Variants in RAB3C observed in about 807,000 individuals in gnomAD.
The protein encoded by RAB3C is ras-related protein Rab-3C.
A neutral mutation model predicts 26.4 loss-of-function variants in RAB3C; 17 were observed. The ratio of observed to expected loss-of-function variants is 0.64; its 90% CI spans 0.44 to 0.97. The LOEUF (loss-of-function observed/expected upper bound fraction) is 0.97, where lower values mean the gene tolerates loss of function less well. Among genes scored for constraint, RAB3C ranks in the 50% least tolerant of loss-of-function variants. RAB3C has a pLI of 0.00. For synonymous variants in RAB3C, 91 were observed against 95.9 expected (o/e 0.95, Z 0.30); for missense variants, 242 against 281.9 (o/e 0.86, Z 1.01).
chr5:58,763,820 T>C (rs1195902507), intron 3 of RAB3C, among the ~76,000 whole-genome samples: 5 of 152,158 alleles, frequency 3.3e-5, no homozygotes, highest in Non-Finnish European at 7.3e-5. Context: ...ATATGGATAT[T>C]ATAACACAGA....
intron 1 of RAB3C, among the ~76,000 whole-genome samples, chr5:58,596,782 AATATATT>A (rs1746279260): frequency 9.6e-6 from 1 of 104,086 alleles, no homozygotes; most frequent in Non-Finnish European, 1.7e-5. Flanking sequence ...TATAATACAT[AATATATT>A]ATATATAAAT....
chr5:58,693,179 TTAAGA>T (rs1441517791), intron 2 of RAB3C, among the ~76,000 whole-genome samples: 17 of 146,688 alleles, frequency 1.2e-4, no homozygotes, highest in East Asian at 3.9e-4. Context: ...ATAAATATAA[TTAAGA>T]TAAGTTTATA....
chr5:58,817,503 G>T (rs918010207), intron 3 of RAB3C, among the ~76,000 whole-genome samples: 1 of 151,446 alleles, frequency 6.6e-6, no homozygotes, highest in African/African-American at 2.4e-5. Flanking sequence ...TTATGTTCCT[G>T]TTTCTGGTTT....
chr5:58,712,716 G>T (rs868238648), intron 2 of RAB3C, among the ~76,000 whole-genome samples: 4 of 152,104 alleles, frequency 2.6e-5, no homozygotes, highest in Non-Finnish European at 5.9e-5. Flanking sequence ...GTAGAGACAG[G>T]GTTTCACCAT....
At chr5:58,792,253 G>A (rs1309191581) in intron 3 of RAB3C, among the ~76,000 whole-genome samples, 1 of 152,166 alleles carries the variant, frequency 6.6e-6, no homozygotes, top group African/African-American at 2.4e-5. Flanking sequence ...TATAAACCTG[G>A]TGGCTTCTAT....
intron 2 of RAB3C, among the ~76,000 whole-genome samples, chr5:58,628,023 G>T (rs1287864523): frequency 6.6e-6 from 1 of 151,910 alleles, no homozygotes; most frequent in Admixed American, 6.6e-5. Flanking sequence ...TGGGCGTGGT[G>T]GCAGGCGCCT....
At chr5:58,738,510 G>A (rs1741202997) in intron 3 of RAB3C, among the ~76,000 whole-genome samples, 2 of 149,610 alleles carry the variant, frequency 1.3e-5, no homozygotes, top group African/African-American at 4.9e-5. Context: ...AAGGAGCTAA[G>A]AGAATAGAGA....
intron 3 of RAB3C, among the ~76,000 whole-genome samples, chr5:58,806,506 C>G (rs1742940838): frequency 6.6e-6 from 1 of 152,116 alleles, no homozygotes; most frequent in Non-Finnish European, 1.5e-5. Flanking sequence ...ACCACAAGCT[C>G]CCTGGATACG....
At chr5:58,745,642 C>T (rs1054344333) in intron 3 of RAB3C, among the ~76,000 whole-genome samples, 10 of 152,160 alleles carry the variant, frequency 6.6e-5, no homozygotes, top group African/African-American at 2.4e-4. Context: ...CGGAGGCCAG[C>T]CACGAGGCAG....
chr5:58,818,856 A>G (rs1163211111), intron 3 of RAB3C, among the ~76,000 whole-genome samples: 1 of 152,218 alleles, frequency 6.6e-6, no homozygotes, highest in African/African-American at 2.4e-5. Context: ...TGAAAAGGTA[A>G]ATACATATAA....
At chr5:58,619,316 GGA>G (rs1289548986) in intron 2 of RAB3C, among the ~76,000 whole-genome samples, 1 of 152,106 alleles carries the variant, frequency 6.6e-6, no homozygotes, top group Non-Finnish European at 1.5e-5. Flanking sequence ...CTCAATTAAT[GGA>G]GATACCTATC....
intron 3 of RAB3C, among the ~76,000 whole-genome samples, chr5:58,743,859 C>A (rs6895906): frequency 0.2 from 29,739 of 152,056 alleles, 3,092 homozygotes; most frequent in East Asian, 0.33. Context: ...ACTTTCATGT[C>A]GAGTGTTAAT....
At chr5:58,776,529 G>A (rs1320460287) in intron 3 of RAB3C, among the ~76,000 whole-genome samples, 1 of 151,892 alleles carries the variant, frequency 6.6e-6, no homozygotes, top group African/African-American at 2.4e-5. Context: ...TGACCACCTG[G>A]GTGCCCCTGT....
At chr5:58,804,441 C>T (rs1742886733) in intron 3 of RAB3C, among the ~76,000 whole-genome samples, 2 of 152,194 alleles carry the variant, frequency 1.3e-5, no homozygotes, top group African/African-American at 4.8e-5. Context: ...GGCACACTCT[C>T]AACCCAGGGA....
At chr5:58,787,487 T>G (rs571194327) in intron 3 of RAB3C, among the ~76,000 whole-genome samples, 1 of 152,196 alleles carries the variant, frequency 6.6e-6, no homozygotes, top group Non-Finnish European at 1.5e-5. Flanking sequence ...TCTAGAAGAA[T>G]GTGTTTTGTC....
chr5:58,658,756 A>G (rs1747836476), intron 2 of RAB3C, among the ~76,000 whole-genome samples: 1 of 152,028 alleles, frequency 6.6e-6, no homozygotes, highest in South Asian at 2.1e-4. Flanking sequence ...TTAATTGGCT[A>G]TTGTCTGGGC....
intron 1 of RAB3C, among the ~76,000 whole-genome samples, chr5:58,612,447 G>T (rs991160272): frequency 6.8e-6 from 1 of 147,594 alleles, no homozygotes. Flanking sequence ...AAATCTTTCA[G>T]TTCCCTGGTT....
At chr5:58,636,553 A>T (rs950495508) in intron 2 of RAB3C, among the ~76,000 whole-genome samples, 7 of 151,978 alleles carry the variant, frequency 4.6e-5, no homozygotes, top group African/African-American at 1.5e-4. Context: ...GACTCCCTAT[A>T]TCCCAGTCCA....
chr5:58,612,425 T>C (rs1298919853), intron 1 of RAB3C, among the ~76,000 whole-genome samples: 1 of 150,980 alleles, frequency 6.6e-6, no homozygotes, highest in East Asian at 1.9e-4. Flanking sequence ...TGTTTTGTAG[T>C]TGTTTTTGTA....
Sources: gnomAD v4.1 joint callset for allele counts (sites outside exome capture counted in the v4.1 genomes callset) on GRCh38, gnomAD v4.1.1 for gene constraint, MANE v1.5 for transcripts, NCBI Gene and HGNC (gene_info 2026-07-23, HGNC 2026-07-21) for gene names.